CNTN5: variants seen among roughly 807,000 people sequenced by gnomAD.
CNTN5 encodes the protein contactin-5.
Under a neutral mutation model 129.1 loss-of-function variants are expected in CNTN5, and 77 were observed. That is an observed-to-expected ratio of 0.60 (90% confidence interval 0.50 to 0.72). The LOEUF (loss-of-function observed/expected upper bound fraction) is 0.72. Among genes scored for constraint, CNTN5 ranks in the 30% least tolerant of loss-of-function variants. The probability of loss-of-function intolerance (pLI) is 0.00; values close to 1 mark genes in which losing one functional copy is unlikely to be tolerated. For missense variants in CNTN5, 1,478 were observed against 1,328.8 expected, an observed-to-expected ratio of 1.11 and a Z score of -1.75; for synonymous variants, 509 against 465.6, an observed-to-expected ratio of 1.09 and a Z score of -1.20.
At chr11:99,637,725 A>G (rs1302692343) in intron 3 of CNTN5, among the ~76,000 whole-genome samples, 2 of 151,816 alleles carry the variant, frequency 1.3e-5, no homozygotes, top group African/African-American at 2.4e-5. Flanking sequence ...TTACTTTAAA[A>G]TTAACTATTA....
At chr11:100,265,726 C>T (rs976354861) in intron 17 of CNTN5, among the ~76,000 whole-genome samples, 30 of 152,104 alleles carry the variant, frequency 2.0e-4, no homozygotes, top group African/African-American at 5.8e-4. Context: ...TTGGATTTAA[C>T]GTATGAATAC....
At chr11:99,885,396 CCA>C (rs1948875763) in intron 6 of CNTN5, among the ~76,000 whole-genome samples, 1 of 152,114 alleles carries the variant, frequency 6.6e-6, no homozygotes, top group South Asian at 2.1e-4. Flanking sequence ...ACCAAAGAAA[CCA>C]CACAACTTGG....
chr11:99,659,258 TATGAA>T (rs1952507874), intron 3 of CNTN5, among the ~76,000 whole-genome samples: 1 of 152,020 alleles, frequency 6.6e-6, no homozygotes, highest in African/African-American at 2.4e-5. Context: ...GGAAAAAAAT[TATGAA>T]AGGAAGAGAA....
intron 3 of CNTN5, among the ~76,000 whole-genome samples, chr11:99,624,480 G>T (rs957885881): frequency 6.6e-6 from 1 of 152,090 alleles, no homozygotes; most frequent in Non-Finnish European, 1.5e-5. Context: ...TTCTAGGTAA[G>T]TGTTAATCCT....
intron 17 of CNTN5, among the ~76,000 whole-genome samples, chr11:100,259,470 C>G (rs1027916286): frequency 6.6e-6 from 1 of 152,170 alleles, no homozygotes. Flanking sequence ...CAGAACTCTC[C>G]ACCCCAAATC....
intron 1 of CNTN5, among the ~76,000 whole-genome samples, chr11:99,206,138 C>T (rs1358477649): frequency 6.6e-6 from 1 of 152,102 alleles, no homozygotes; most frequent in Non-Finnish European, 1.5e-5. Context: ...GTGTTCCTCT[C>T]CACTTTTAAC....
chr11:100,304,161 A>T (rs1406313694), intron 20 of CNTN5, among the ~76,000 whole-genome samples: 1 of 151,622 alleles, frequency 6.6e-6, no homozygotes, highest in Non-Finnish European at 1.5e-5. Flanking sequence ...TTTTTAATCT[A>T]TCAGAAACAA....
intron 1 of CNTN5, among the ~76,000 whole-genome samples, chr11:99,233,949 T>C (rs1861137423): frequency 6.7e-6 from 1 of 150,372 alleles, no homozygotes; most frequent in South Asian, 2.1e-4. Context: ...CCATCTCAAA[T>C]AAATAAATAA....
intron 6 of CNTN5, among the ~76,000 whole-genome samples, chr11:99,898,621 G>C (rs1949271804): frequency 1.3e-5 from 2 of 151,956 alleles, no homozygotes; most frequent in Admixed American, 1.3e-4. Context: ...GCCTTTTGAA[G>C]AACACTAATT....
chr11:99,893,705 T>G (rs1022954341), intron 6 of CNTN5, among the ~76,000 whole-genome samples: 2 of 152,212 alleles, frequency 1.3e-5, no homozygotes, highest in Non-Finnish European at 2.9e-5. Context: ...AATGATAATA[T>G]GGTAACATAT....
At chr11:99,169,735 A>C (rs985042075) in intron 1 of CNTN5, among the ~76,000 whole-genome samples, 2 of 152,210 alleles carry the variant, frequency 1.3e-5, no homozygotes, top group African/African-American at 4.8e-5. Flanking sequence ...TTAAACTCAT[A>C]GTTTTATATA....
chr11:99,063,481 G>C (rs1258983437), intron 1 of CNTN5, among the ~76,000 whole-genome samples: 1 of 151,166 alleles, frequency 6.6e-6, no homozygotes, highest in African/African-American at 2.4e-5. Context: ...AAGAATACAA[G>C]TTTAAAAGAG....
chr11:99,778,986 G>C (rs187512863), intron 3 of CNTN5, among the ~76,000 whole-genome samples: 6 of 151,706 alleles, frequency 4.0e-5, no homozygotes, highest in African/African-American at 1.2e-4. Context: ...AGATTATATA[G>C]TGTTTTATTT....
intron 1 of CNTN5, among the ~76,000 whole-genome samples, chr11:99,094,401 AT>A (rs949381079): frequency 2.6e-5 from 4 of 152,020 alleles, no homozygotes; most frequent in Admixed American, 6.6e-5. Flanking sequence ...GTTGAAATAT[AT>A]TTAGAAATAC....
At chr11:100,140,924 G>A (rs1194722697) in intron 13 of CNTN5, among the ~76,000 whole-genome samples, 6 of 152,144 alleles carry the variant, frequency 3.9e-5, no homozygotes, top group Admixed American at 6.6e-5. Flanking sequence ...GCAGTGAGAA[G>A]CAAGAAAGTC....
chr11:99,935,586 A>ATG (rs1950298959), intron 7 of CNTN5, among the ~76,000 whole-genome samples: 1 of 151,856 alleles, frequency 6.6e-6, no homozygotes, highest in Non-Finnish European at 1.5e-5. Flanking sequence ...ATGTATATAT[A>ATG]TGTGTGTGTG....
Position 99,231,886 on chromosome 11 carries a change from C to A in CNTN5, c.-209-93460C>A, listed in dbSNP as rs1264732871. 4.6e-5 allele frequency among the ~76,000 whole-genome samples: 7 copies of A among 152,106 alleles called. No individual in the cohort carries two copies. The East Asian group carries it at 1.3e-3, about 29-fold the overall frequency. ...GCATATGGCTAGTAAGTTCTCCCAG[C>A]ACTATTTATTAAATAGGGAATCATT... On this transcript the variant is annotated intron_variant, in intron 1 of 24. Coordinates refer to ENST00000524871, the MANE Select transcript of CNTN5 (RefSeq NM_014361.4).
chr11:99,355,368 A>G (rs1938572212), intron 2 of CNTN5, among the ~76,000 whole-genome samples: 1 of 152,234 alleles, frequency 6.6e-6, no homozygotes, highest in Non-Finnish European at 1.5e-5. Flanking sequence ...TAATTAAAGC[A>G]TAATAAAATG....
intron 7 of CNTN5, among the ~76,000 whole-genome samples, chr11:99,940,548 C>T (rs564974461): frequency 2.3e-4 from 35 of 152,178 alleles, no homozygotes; most frequent in African/African-American, 3.9e-4. Flanking sequence ...AGTATTACAA[C>T]GACATCAACA....
Sources: gnomAD v4.1 joint callset for allele counts (sites outside exome capture counted in the v4.1 genomes callset) on GRCh38, gnomAD v4.1.1 for gene constraint, MANE v1.5 for transcripts, NCBI Gene and HGNC (gene_info 2026-07-23, HGNC 2026-07-21) for gene names.